The following DPT variants were observed in gnomAD, a reference collection of about 807,000 sequenced individuals.
DPT encodes the protein dermatopontin.
A neutral mutation model predicts 31.2 loss-of-function variants in DPT; 21 were observed. The observed-to-expected ratio is 0.67, with a 90% CI of 0.48 to 0.97. The LOEUF (loss-of-function observed/expected upper bound fraction) is 0.97. Among genes scored for constraint, DPT ranks in the 50% least tolerant of loss-of-function variants. The pLI is 0.00. For synonymous variants in DPT, 91 were observed against 86.9 expected, an observed-to-expected ratio of 1.05 and a Z score of -0.26; for missense variants, 262 against 258.8, an observed-to-expected ratio of 1.01 and a Z score of -0.08.
chr1:168,723,802 A>G (rs1406072923), intron 1 of DPT, among the ~76,000 whole-genome samples: 2 of 152,196 alleles, frequency 1.3e-5, no homozygotes, highest in African/African-American at 4.8e-5. Flanking sequence ...CTGTTGTACT[A>G]TATTTGTGCT....
At chr1:168,715,625 C>T (rs1159155574) in intron 1 of DPT, among the ~76,000 whole-genome samples, 3 of 152,124 alleles carry the variant, frequency 2.0e-5, no homozygotes, top group Middle Eastern at 3.2e-3. Context: ...AATGTATTGA[C>T]GAATTTCAAA....
At chr1:168,715,594 AAAG>A (rs143475554) in intron 1 of DPT, among the ~76,000 whole-genome samples, 45,158 of 151,990 alleles carry the variant, frequency 0.3, 7,044 homozygotes, top group East Asian at 0.52. Flanking sequence ...TTTAAAATAA[AAAG>A]AAGACAAAGA....
intron 1 of DPT, among the ~76,000 whole-genome samples, chr1:168,720,316 G>C (rs1650073044): frequency 6.6e-6 from 1 of 152,170 alleles, no homozygotes; most frequent in African/African-American, 2.4e-5. Flanking sequence ...GCTCTGATTG[G>C]TATGCTGGAC....
At chr1:168,701,180 G>A in intron 2 of DPT, 56 bp from the exon 3 acceptor site, 2 of 1,307,916 alleles carry the variant, frequency 1.5e-6, no homozygotes, top group Non-Finnish European at 2.2e-6. Flanking sequence ...ATTGCTGGGA[G>A]CAAACAGAAG....
chr1:168,726,590 G>A (rs1232721518), intron 1 of DPT, among the ~76,000 whole-genome samples: 1 of 152,246 alleles, frequency 6.6e-6, no homozygotes, highest in Non-Finnish European at 1.5e-5. Flanking sequence ...TCCAGACCCA[G>A]GCCTCCTGAT....
intron 1 of DPT, among the ~76,000 whole-genome samples, chr1:168,722,198 A>G (rs1381683508): frequency 1.3e-5 from 2 of 152,346 alleles, no homozygotes; most frequent in East Asian, 1.9e-4. Flanking sequence ...GAGTTTATGA[A>G]TATCAATTAT....
chr1:168,706,417 A>G (rs1221228641), intron 2 of DPT, among the ~76,000 whole-genome samples: 1 of 152,222 alleles, frequency 6.6e-6, no homozygotes, highest in Non-Finnish European at 1.5e-5. Context: ...TTTCAGATTA[A>G]TTTAGTTTGT....
chr1:168,713,217 C>T (rs531891861), intron 2 of DPT, among the ~76,000 whole-genome samples: 5 of 152,232 alleles, frequency 3.3e-5, no homozygotes, highest in Admixed American at 6.5e-5. Context: ...TTTATGGAAG[C>T]GATTTTGAAG....
chr1:168,700,952 C>A, intron 3 of DPT, 65 bp downstream of exon 3: 1 of 1,028,428 alleles, frequency 9.7e-7, no homozygotes, highest in South Asian at 1.3e-5. Flanking sequence ...CAGGTAAAAT[C>A]CTTGCAGGGA....
chr1:168,699,158 A>T (rs1649530288), intron 3 of DPT, among the ~76,000 whole-genome samples: 1 of 152,148 alleles, frequency 6.6e-6, no homozygotes. Context: ...TTACTGTATT[A>T]ATTCCTGCTT....
rs1052591 is a variant in DPT, at chr1:168,728,935, C to T, written c.240G>A (p.Thr80=). The T allele has an allele frequency of 0.49, 796,025 of 1,613,916 alleles. 204,390 individuals carry two copies. The highest frequency in any genetic ancestry group is 0.54 in the Non-Finnish European group (635,370 of 1,179,956). The change falls in exon 1 of 4, where the codon ACG becomes ACA. Residue 80 remains threonine (T), a synonymous_variant. Transcript: ENST00000367817. The part of the protein sequence containing the change: ...DRQWNYACMP[T]PQSLGEPTEC... Reference sequence around the variant, plus strand: ...CCGTGGGTTCCCCGAGGCTCTGTGGCGTGGGCATGCAGGCGTAGTTCCATT... The same window carrying T: ...CCGTGGGTTCCCCGAGGCTCTGTGGTGTGGGCATGCAGGCGTAGTTCCATT...
chr1:168,698,766 C>T (rs757985440), intron 3 of DPT, among the ~76,000 whole-genome samples: 21 of 152,106 alleles, frequency 1.4e-4, no homozygotes, highest in Non-Finnish European at 2.1e-4. Flanking sequence ...GATGGAACAA[C>T]AGCATTCTAA....
intron 1 of DPT, among the ~76,000 whole-genome samples, chr1:168,722,470 C>T (rs867948633): frequency 6.6e-6 from 1 of 152,132 alleles, no homozygotes; most frequent in Admixed American, 6.5e-5. Context: ...TAATAAATAA[C>T]CTTTATCAAG....
intron 1 of DPT, among the ~76,000 whole-genome samples, chr1:168,715,549 T>G (rs1288732281): frequency 1.4e-5 from 2 of 147,526 alleles, no homozygotes; most frequent in Non-Finnish European, 3.0e-5. Context: ...GCATGTCATT[T>G]AAAATAAAAG....
chr1:168,701,007 T>C lies in DPT; in HGVS notation c.539+10A>G, dbSNP rs1222088478. The C allele has an allele frequency of 1.2e-6, 2 of 1,605,578 alleles. No individual in the cohort carries two copies. The highest frequency in any genetic ancestry group is 1.1e-5 in the South Asian group (1 of 90,848). On this transcript the variant is annotated intron_variant, in intron 3 of 3. Transcript: ENST00000367817. ...ACCCTAGCCCATTGGGAAGGGGCTGTCTTTCTCACCTTTCCACTGCAGAGA... is the reference window on the plus strand; with the variant it reads ...ACCCTAGCCCATTGGGAAGGGGCTGCCTTTCTCACCTTTCCACTGCAGAGA...
intron 2 of DPT, among the ~76,000 whole-genome samples, chr1:168,702,964 T>C (rs1381920841): frequency 2.0e-5 from 3 of 152,166 alleles, no homozygotes; most frequent in South Asian, 4.1e-4. Context: ...ATCCCACTGA[T>C]TTATGATCCA....
At chr1:168,718,337 C>T (rs1286571051) in intron 1 of DPT, among the ~76,000 whole-genome samples, 1 of 152,264 alleles carries the variant, frequency 6.6e-6, no homozygotes, top group Non-Finnish European at 1.5e-5. Flanking sequence ...AGGCTGCTGG[C>T]CCCAGTGCCT....
chr1:168,714,239 C>G lies in DPT; in HGVS notation c.413G>C (p.Arg138Thr), dbSNP rs140589175. The G allele has an allele frequency of 1.2e-6, 2 of 1,614,082 alleles. No individual in the cohort carries two copies. Among genetic ancestry groups the G allele is most frequent in the Non-Finnish European group, 1.7e-6 (2 of 1,180,000 alleles). Reference sequence around the variant, plus strand: ...GACTCACCAGCAGGAATATGGGCACCTCTTGCTGTAGCGACAACAGTAAAA... The same window carrying G: ...GACTCACCAGCAGGAATATGGGCACGTCTTGCTGTAGCGACAACAGTAAAA... ...WQFYCCRYSKRCPYSCWLTTE... is the reference protein window; with the variant it reads ...WQFYCCRYSKTCPYSCWLTTE... The change falls in exon 2 of 4, where the codon AGG becomes ACG. Residue 138 changes from arginine (R) to threonine (T), a missense_variant. Arg to Thr is a moderately conservative substitution (Grantham distance 71, BLOSUM62 -1). Transcript: ENST00000367817.
At chr1:168,704,614 T>C (rs915242147) in intron 2 of DPT, among the ~76,000 whole-genome samples, 1 of 151,178 alleles carries the variant, frequency 6.6e-6, no homozygotes, top group Admixed American at 6.6e-5. Context: ...TGTGTGTGCA[T>C]GCGCACTTTC....
Sources: allele counts gnomAD v4.1 joint callset (sites outside exome capture counted in the v4.1 genomes callset), GRCh38; gene constraint gnomAD v4.1.1; transcripts MANE v1.5; gene names NCBI Gene and HGNC (gene_info 2026-07-23, HGNC 2026-07-21).